Variants in UTP18 observed in about 807,000 individuals in gnomAD.
UTP18 encodes UTP18 small subunit processome component.
In UTP18, 36 loss-of-function variants were observed where a neutral mutation model predicts 61.1. The observed-to-expected ratio is 0.59, with a 90% confidence interval of 0.45 to 0.78. UTP18 has a LOEUF of 0.78. UTP18 is among the 30% of genes least tolerant of loss of function. The pLI is 0.00. For missense variants in UTP18, 753 were observed against 693.9 expected (o/e 1.09, Z -0.96); for synonymous variants, 282 against 251.1 (o/e 1.12, Z -1.16).
intron 11 of UTP18, among the ~76,000 whole-genome samples, chr17:51,291,749 A>AAAAG (rs1905244923): frequency 2.7e-5 from 4 of 150,682 alleles, no homozygotes; most frequent in African/African-American, 7.4e-5. Context: ...AAAAAAAAAA[A>AAAAG]AAAAGAAAAG....
intron 4 of UTP18, among the ~76,000 whole-genome samples, chr17:51,269,839 TTGTG>T (rs58180688): frequency 0.031 from 4,339 of 137,764 alleles, 77 homozygotes; most frequent in Admixed American, 0.036. Flanking sequence ...AAATAATGTA[TTGTG>T]TGTGTGTGTG....
At chr17:51,282,226 CAGCT>C (rs781205213) in intron 9 of UTP18, among the ~76,000 whole-genome samples, 2 of 152,142 alleles carry the variant, frequency 1.3e-5, no homozygotes, top group Admixed American at 6.5e-5. Context: ...TATTTGACCT[CAGCT>C]AGGAGCATTT....
chr17:51,294,128 C>G (rs938749982), intron 12 of UTP18, 83 bp downstream of exon 12: 2 of 1,169,988 alleles, frequency 1.7e-6, no homozygotes, highest in East Asian at 2.8e-5. Context: ...ATTCCTAATT[C>G]TACAGTTAAT....
chr17:51,263,529 T>G, intron 2 of UTP18, 143 bp downstream of exon 2: 4 of 674,866 alleles, frequency 5.9e-6, no homozygotes, highest in Non-Finnish European at 9.8e-6. Flanking sequence ...TCTTTCATGG[T>G]TCCTGATCCC....
rs1431401716 is a variant in UTP18 at position 51,285,357 on chromosome 17, T to A, written c.1317T>A (p.Tyr439Ter). ...TTGCCACATCTAGGAATGGACAGTA[T>A]GTTGCTTGTGGGTAAGTAAAGAGAG... ...LSIATSRNGQ[Y>*]VACGSNCGVV... Residue 439 changes from tyrosine to a stop codon, truncating the protein, a stop_gained, in exon 10 of 14, where the codon TAT (tyrosine) becomes TAA (stop). Transcript: ENST00000225298. LOFTEE classifies it high-confidence loss of function. The A allele has an allele frequency of 1.2e-6, 2 of 1,613,414 alleles. No homozygotes were observed. The highest frequency in any genetic ancestry group is 3.3e-5 in the Admixed American group (2 of 60,010).
chr17:51,296,941 A>G, intron 12 of UTP18, 24 bp from the exon 13 acceptor site: 1 of 1,603,276 alleles, frequency 6.2e-7, no homozygotes, highest in South Asian at 1.1e-5. Context: ...AGTTGTTCAG[A>G]TGACTTATTT....
At chr17:51,276,932 A>T (rs529821484) in intron 6 of UTP18, among the ~76,000 whole-genome samples, 198 bp from the exon 7 acceptor site, 2 of 152,276 alleles carry the variant, frequency 1.3e-5, no homozygotes, top group East Asian at 3.9e-4. Context: ...AGCTCTCTGA[A>T]TACCTTCTGT....
intron 9 of UTP18, 89 bp downstream of exon 9, chr17:51,280,568 CT>C (rs1904881489): frequency 8.1e-7 from 1 of 1,240,546 alleles, no homozygotes; most frequent in East Asian, 2.5e-5. Flanking sequence ...AATCCCACCA[CT>C]TTGGGAGGCC....
At chr17:51,269,613 C>T (rs1473855518) in intron 4 of UTP18, among the ~76,000 whole-genome samples, 1 of 152,070 alleles carries the variant, frequency 6.6e-6, no homozygotes, top group African/African-American at 2.4e-5. Context: ...TTTCTTCCTA[C>T]CCTGTTAGTC....
intron 1 of UTP18, among the ~76,000 whole-genome samples, chr17:51,262,331 G>A (rs983604450): frequency 6.6e-6 from 1 of 152,006 alleles, no homozygotes; most frequent in Non-Finnish European, 1.5e-5. Context: ...TGATCCGCCC[G>A]CCTCGGCCTC....
intron 3 of UTP18, 143 bp downstream of exon 3, chr17:51,266,423 T>G (rs1396933443): frequency 9.6e-6 from 5 of 519,098 alleles, no homozygotes; most frequent in African/African-American, 6.0e-5. Context: ...TTTCTGTAGT[T>G]TTTTTTAGGG....
chr17:51,273,157 T>C (rs1418889867), intron 4 of UTP18, among the ~76,000 whole-genome samples: 1 of 151,872 alleles, frequency 6.6e-6, no homozygotes. Flanking sequence ...ATGTTAAGCT[T>C]TGTGTCATCT....
intron 4 of UTP18, among the ~76,000 whole-genome samples, chr17:51,272,003 C>G (rs1904546464): frequency 6.6e-6 from 1 of 152,036 alleles, no homozygotes; most frequent in South Asian, 2.1e-4. Flanking sequence ...TATTTTTCAG[C>G]TCTAGAATTT....
At chr17:51,267,836 A>G (rs547945797) in intron 3 of UTP18, among the ~76,000 whole-genome samples, 3 of 152,124 alleles carry the variant, frequency 2.0e-5, no homozygotes, top group Admixed American at 6.5e-5. Context: ...TCACAGTCCT[A>G]TGCTGTCATC....
At chr17:51,285,966 A>G (rs1286809123) in intron 10 of UTP18, among the ~76,000 whole-genome samples, 4 of 152,218 alleles carry the variant, frequency 2.6e-5, no homozygotes, top group African/African-American at 9.6e-5. Flanking sequence ...CTGTTTGATC[A>G]CATCAAGTTT....
intron 10 of UTP18, 130 bp from the exon 11 acceptor site, chr17:51,287,899 G>A: frequency 1.6e-6 from 1 of 612,782 alleles, no homozygotes; most frequent in Non-Finnish European, 2.5e-6. Context: ...TGGCTATAGT[G>A]GTGATAGCTG....
At chr17:51,283,465 C>T (rs1905015921) in intron 9 of UTP18, among the ~76,000 whole-genome samples, 2 of 151,814 alleles carry the variant, frequency 1.3e-5, no homozygotes, top group Admixed American at 6.6e-5. Flanking sequence ...ACTGCGTGTG[C>T]ACCCTTTTCT....
intron 4 of UTP18, 103 bp downstream of exon 4, chr17:51,269,007 C>A: frequency 2.5e-6 from 3 of 1,210,528 alleles, no homozygotes; most frequent in Non-Finnish European, 3.5e-6. Context: ...GCATTTCTTG[C>A]CTGGCTCGGT....
In UTP18 at chr17:51,293,899, G is replaced by T; in HGVS notation, c.1504-4G>T. On this transcript the variant is annotated splice_region_variant and splice_polypyrimidine_tract_variant and intron_variant, in intron 11 of 13. Transcript: ENST00000225298. ...ACTTTAAAGTTTTTTATTATCTCCT[G>T]CAGGTTCATCTTCCTTCCTGTACAG... 1 of 1,565,514 alleles carries T rather than the reference G, an allele frequency of 6.4e-7. No individual in the cohort carries two copies. Among genetic ancestry groups the T allele is most frequent in the East Asian group, 2.3e-5 (1 of 43,424 alleles).
Sources: allele counts gnomAD v4.1 joint callset (sites outside exome capture counted in the v4.1 genomes callset), GRCh38; gene constraint gnomAD v4.1.1; transcripts MANE v1.5; gene names NCBI Gene and HGNC (gene_info 2026-07-23, HGNC 2026-07-21).